The following PXK variants were observed in gnomAD, a reference collection of about 807,000 sequenced individuals.
PXK encodes PX domain-containing protein kinase-like protein.
Under a neutral mutation model 84.7 loss-of-function variants are expected in PXK, and 35 were observed. The observed-to-expected ratio is 0.41, with a 90% CI of 0.32 to 0.55. The LOEUF is 0.55. Among genes scored for constraint, PXK ranks in the 20% least tolerant of loss-of-function variants. The probability of loss-of-function intolerance (pLI) is 0.21; values close to 1 mark genes in which losing one functional copy is unlikely to be tolerated. For missense variants in PXK, 634 were observed against 699.7 expected (o/e 0.91, Z 1.06); for synonymous variants, 253 against 260.8 (o/e 0.97, Z 0.29).
chr3:58,400,845 G>A lies in PXK; in HGVS notation c.1181+1468G>A, dbSNP rs1345425902. Among the ~76,000 whole-genome samples the A allele has an allele frequency of 1.3e-5, 2 of 152,194 alleles. No homozygotes were observed. The highest frequency in any genetic ancestry group is 2.9e-5 in the Non-Finnish European group (2 of 68,046). On this transcript the variant is annotated intron_variant, in intron 12 of 17. Coordinates refer to ENST00000356151, the MANE Select transcript of PXK (RefSeq NM_017771.5). This position sits in a 1 kb window ranked among gnomAD's most constrained non-coding sequence, Gnocchi z 4.0. Reference sequence around the variant, plus strand: ...GCAGAAGAATCACTTGAACTGGGGAGGCAGAGGTTGCAGTGAGCCAAGATC... The same window carrying A: ...GCAGAAGAATCACTTGAACTGGGGAAGCAGAGGTTGCAGTGAGCCAAGATC...
rs2057888584 is a variant in PXK at position 58,397,531 on chromosome 3, G to A, written c.985-74G>A. 1.6e-6 allele frequency: 2 copies of A among 1,254,708 alleles called. No homozygotes were observed. The highest frequency in any genetic ancestry group is 2.3e-6 in the Non-Finnish European group (2 of 855,612). 77.7% of individuals were successfully genotyped at this position (1,254,708 alleles called of 1,614,324 possible). On this transcript the variant is annotated intron_variant, in intron 10 of 17. Coordinates refer to ENST00000356151, the MANE Select transcript of PXK (RefSeq NM_017771.5). The surrounding 1 kb of genome is among the most constrained non-coding windows in gnomAD (Gnocchi z 4.7). The stretch of plus-strand genomic sequence containing the variant: ...TCCCTGGGCTTTGTTTCTCAGAGAA[G>A]CCTTGGGGCAGGAGCGCGAGGGTCC...
At position 58,368,368 on chromosome 3, in the gene PXK, G is replaced by A. The variant is rs1199165920; in HGVS notation, c.154-1063G>A. Among the ~76,000 whole-genome samples, 16 of 152,052 alleles carry A rather than the reference G, an allele frequency of 1.1e-4. 1 individual carries two copies. Among genetic ancestry groups the A allele is most frequent in the Admixed American group, 8.5e-4 (13 of 15,262 alleles). On this transcript the variant is annotated intron_variant, in intron 2 of 17. Coordinates refer to ENST00000356151, the MANE Select transcript of PXK (RefSeq NM_017771.5). ...GACAGAGTCTCATTCTGTTGCCCGG[G>A]CTGGAATGCAGTGGAGCGATCTCTG...
intron 1 of PXK, among the ~76,000 whole-genome samples, chr3:58,361,424 C>T (rs947186191): frequency 5.9e-5 from 9 of 151,918 alleles, no homozygotes; most frequent in Admixed American, 3.3e-4. Flanking sequence ...GATACAGTCA[C>T]GATAGAGAAC....
chr3:58,371,681 T>C (rs996726269), intron 3 of PXK, among the ~76,000 whole-genome samples: 4 of 152,374 alleles, frequency 2.6e-5, no homozygotes, highest in African/African-American at 9.6e-5. Context: ...TCTTCACTTA[T>C]GGCCTTTTTA....
chr3:58,346,641 A>G (rs2097825040), intron 1 of PXK, among the ~76,000 whole-genome samples: 1 of 151,966 alleles, frequency 6.6e-6, no homozygotes, highest in South Asian at 2.1e-4. Context: ...TAGTAATTCT[A>G]TAATTATTTT....
chr3:58,349,921 A>G (rs566584372), intron 1 of PXK, among the ~76,000 whole-genome samples: 39 of 152,312 alleles, frequency 2.6e-4, no homozygotes, highest in African/African-American at 7.9e-4. Context: ...CCCTGCAGCC[A>G]TTGGGGTTTT....
intron 17 of PXK, chr3:58,413,289 G>T: frequency 2.9e-6 from 1 of 343,602 alleles, no homozygotes. Context: ...CAACACAAAT[G>T]CGCCGTGGCC....
At chr3:58,419,741 G>A (rs751965145) in intron 17 of PXK, among the ~76,000 whole-genome samples, 11 of 152,192 alleles carry the variant, frequency 7.2e-5, no homozygotes, top group Non-Finnish European at 1.2e-4. Context: ...CCTCTTTTCC[G>A]TTTCCCAGCC....
intron 1 of PXK, among the ~76,000 whole-genome samples, chr3:58,354,818 T>C (rs572735409): frequency 6.6e-6 from 1 of 152,118 alleles, no homozygotes; most frequent in South Asian, 2.1e-4. Flanking sequence ...TGAGGAACAT[T>C]TAAGACCTGC....
chr3:58,372,862 A>C (rs1221177623), intron 3 of PXK, among the ~76,000 whole-genome samples: 1 of 152,014 alleles, frequency 6.6e-6, no homozygotes, highest in East Asian at 1.9e-4. Context: ...TATAGTGAGC[A>C]TATTTTGTGG....
intron 1 of PXK, among the ~76,000 whole-genome samples, chr3:58,345,574 A>G (rs1389705924): frequency 6.6e-6 from 1 of 152,154 alleles, no homozygotes; most frequent in Non-Finnish European, 1.5e-5. Flanking sequence ...TTGAGCCTAC[A>G]TTTAGTCAGC....
At chr3:58,369,824 C>CAA (rs751574356) in intron 3 of PXK, among the ~76,000 whole-genome samples, 41 of 64,682 alleles carry the variant, frequency 6.3e-4, no homozygotes, top group Middle Eastern at 0.01. Context: ...AACTCTGTCT[C>CAA]AAAAAAAAAA....
At position 58,397,991 on chromosome 3, in the gene PXK, A is replaced by G. The variant is rs1407444790; in HGVS notation, c.1102+269A>G. On this transcript the variant is annotated intron_variant, in intron 11 of 17. Coordinates refer to ENST00000356151, the MANE Select transcript of PXK (RefSeq NM_017771.5). The surrounding 1 kb of genome is among the most constrained non-coding windows in gnomAD (Gnocchi z 4.7). ...GAGCTTTGGAAGCAGGAGGATGTAA[A>G]GAGAAGTATGGCCTGCATGAGTGTG... 1.3e-5 allele frequency among the ~76,000 whole-genome samples: 2 copies of G among 152,214 alleles called. No homozygotes were observed. Among genetic ancestry groups the G allele is most frequent in the Non-Finnish European group, 2.9e-5 (2 of 68,042 alleles).
In PXK at chr3:58,400,230, G is replaced by A. The variant is rs2058347982; in HGVS notation, c.1181+853G>A. On this transcript the variant is annotated intron_variant, in intron 12 of 17. Transcript: ENST00000356151. This position sits in a 1 kb window ranked among gnomAD's most constrained non-coding sequence, Gnocchi z 4.0. ...TGAGGTGATTCCTAGTAGGGACCCG[G>A]CACTTAATATGTGCTCATTAAGTGT... Among the ~76,000 whole-genome samples the A allele has an allele frequency of 6.6e-6, 1 of 152,154 alleles. No individual in the cohort carries two copies.
intron 1 of PXK, among the ~76,000 whole-genome samples, chr3:58,345,628 A>T (rs540645956): frequency 1.6e-4 from 24 of 152,328 alleles, no homozygotes; most frequent in African/African-American, 5.5e-4. Flanking sequence ...ACTAAGAGCA[A>T]AGTCAATTAA....
chr3:58,354,104 C>T (rs1402079490), intron 1 of PXK, among the ~76,000 whole-genome samples: 2 of 152,228 alleles, frequency 1.3e-5, no homozygotes, highest in East Asian at 1.9e-4. Context: ...CCTGCCTCCT[C>T]TCCCAGATCC....
chr3:58,357,761 C>G (rs1020667542), intron 1 of PXK, among the ~76,000 whole-genome samples: 19 of 152,122 alleles, frequency 1.2e-4, no homozygotes, highest in African/African-American at 4.6e-4. Flanking sequence ...ACCAGCCTGG[C>G]AAACATGGTG....
In PXK at chr3:58,364,036, C is replaced by A. The variant is rs2098232081; in HGVS notation, c.103-1838C>A. 6.6e-6 allele frequency among the ~76,000 whole-genome samples: 1 copy of A among 152,164 alleles called. No homozygotes were observed. On this transcript the variant is annotated intron_variant, in intron 1 of 17. Coordinates refer to ENST00000356151, the MANE Select transcript of PXK (RefSeq NM_017771.5). The surrounding 1 kb of genome is among the most constrained non-coding windows in gnomAD (Gnocchi z 4.3). ...ATTAGCCTGTTAATATGGCAGATTA[C>A]ATCGATCAGTTTCTGAATGGTGAAC...
chr3:58,371,161 C>T (rs1406854583), intron 3 of PXK, among the ~76,000 whole-genome samples: 1 of 152,228 alleles, frequency 6.6e-6, no homozygotes, highest in Non-Finnish European at 1.5e-5. Context: ...ATGCATTTGA[C>T]ACATAATGTC....
Sources: gnomAD v4.1 joint callset for allele counts (sites outside exome capture counted in the v4.1 genomes callset) on GRCh38, gnomAD v4.1.1 for gene constraint, Gnocchi (gnomAD v3.1) non-coding constraint, MANE v1.5 for transcripts, NCBI Gene and HGNC (gene_info 2026-07-23, HGNC 2026-07-21) for gene names.